YOD1: variants seen among roughly 807,000 people sequenced by gnomAD.
YOD1 encodes the protein YOD1 deubiquitinase, also known as ubiquitin thioesterase OTU1.
In YOD1, 17 loss-of-function variants were observed where a neutral mutation model predicts 23.7. The observed-to-expected ratio is 0.72, with a 90% CI of 0.49 to 1.07. The LOEUF is 1.07. Ranked by LOEUF, YOD1 falls within the 50% of genes least tolerant of loss-of-function variation. YOD1 has a pLI of 0.00. For missense variants in YOD1, 413 were observed against 447.2 expected (o/e 0.92, Z 0.69); for synonymous variants, 191 against 169.6 (o/e 1.13, Z -0.98).
rs1442000348 is a variant in YOD1 at position 207,048,485 on chromosome 1, T to C, written c.*535A>G. The stretch of plus-strand genomic sequence containing the variant: ...TCAATTCATAATTTAGAAACTTAAC[T>C]CATTCAGAGTTTTTAAAAAGACTCA... On this transcript the variant is annotated 3_prime_UTR_variant, in exon 2 of 2. Coordinates refer to ENST00000315927, the MANE Select transcript of YOD1 (RefSeq NM_018566.4). The C allele has an allele frequency of 6.5e-6, 1 of 153,792 alleles. No individual in the cohort carries two copies. The highest frequency in any genetic ancestry group is 2.4e-5 in the African/African-American group (1 of 41,172). The allele number at this position is 153,792 out of a possible 1,614,324, so 9.5% of individuals were successfully genotyped here.
chr1:207,050,573 C>A, intron 1 of YOD1, 115 bp downstream of exon 1: 1 of 1,403,820 alleles, frequency 7.1e-7, no homozygotes. Context: ...TCGCCCCTGG[C>A]CTCAAAGCCC....
chr1:207,050,664 C>G (rs766471685), intron 1 of YOD1, 24 bp downstream of exon 1: 1 of 1,610,838 alleles, frequency 6.2e-7, no homozygotes, highest in Non-Finnish European at 8.5e-7. Flanking sequence ...GGGACTTTCC[C>G]TGGCCCCAGC....
chr1:207,049,698 GTCT>G lies in YOD1; in HGVS notation c.366_368del (p.Glu122del). The G allele has an allele frequency of 6.2e-7, 1 of 1,613,898 alleles. No homozygotes were observed. Among genetic ancestry groups the G allele is most frequent in the Non-Finnish European group, 8.5e-7 (1 of 1,179,956 alleles). Reference sequence around the variant, plus strand: ...CAGGTGAACTTCTGGGCCTGGTTTGGTCTTCTTCAATGATCAGCATGTCACCTG... The same window carrying G: ...CAGGTGAACTTCTGGGCCTGGTTTGGTCTTCAATGATCAGCATGTCACCTG... On this transcript the variant is annotated inframe_deletion, in exon 2 of 2. Coordinates refer to ENST00000315927, the MANE Select transcript of YOD1 (RefSeq NM_018566.4).
chr1:207,049,753 C>T lies in YOD1; in HGVS notation c.344-30G>A, dbSNP rs1212715252. 6 of 1,571,064 alleles carry T rather than the reference C, an allele frequency of 3.8e-6. No homozygotes were observed. The African/African-American group carries it at 6.8e-5, about 18-fold the overall frequency. ...TAAAAATAAAACAAATCCCGATCTG[C>T]AAAGAAATTACAGAAGAAACCGAGT... On this transcript the variant is annotated intron_variant, in intron 1 of 1. Transcript: ENST00000315927.
At position 207,047,172 on chromosome 1, in the gene YOD1, C is replaced by T. The variant is rs1421515082; in HGVS notation, c.*1848G>A. On this transcript the variant is annotated 3_prime_UTR_variant, in exon 2 of 2. Transcript: ENST00000315927. ...ATTTGAACACATTATGATTGCCAAA[C>T]ATTAAGTATCATAAGCTCATCAGTG... 1 of 152,454 alleles carries T rather than the reference C, an allele frequency of 6.6e-6. No individual in the cohort carries two copies. Among genetic ancestry groups the T allele is most frequent in the African/African-American group, 2.4e-5 (1 of 41,372 alleles). The allele number at this position is 152,454 out of a possible 1,614,324, so 9.4% of individuals were successfully genotyped here. A position where few individuals can be genotyped will look rare whatever the true frequency, so the allele number is the denominator to read the frequency against.
chr1:207,051,172 C>G lies in YOD1; in HGVS notation c.-142G>C, dbSNP rs1403353477. Reference sequence around the variant, plus strand: ...AACGAAGATGTAAACCTCCGTATTCCTAAAGGACAACGGGTCTTGCTACCT... The same window carrying G: ...AACGAAGATGTAAACCTCCGTATTCGTAAAGGACAACGGGTCTTGCTACCT... On this transcript the variant is annotated 5_prime_UTR_variant, in exon 1 of 2. Transcript: ENST00000315927. The G allele has an allele frequency of 2.1e-6, 3 of 1,405,794 alleles. No individual in the cohort carries two copies. The highest frequency in any genetic ancestry group is 1.5e-5 in the African/African-American group (1 of 68,746). 87.1% of individuals were successfully genotyped at this position (1,405,794 alleles called of 1,614,324 possible). A position where few individuals can be genotyped will look rare whatever the true frequency, so the allele number is the denominator to read the frequency against.
rs1291513847 is a variant in YOD1, at chr1:207,048,148, A to C, written c.*872T>G. ...TTCAATTAAAAAAGTACCCTGCTTA[A>C]CTTTAAAATGTTATCCAATGTGACA... On this transcript the variant is annotated 3_prime_UTR_variant, in exon 2 of 2. Coordinates refer to ENST00000315927, the MANE Select transcript of YOD1 (RefSeq NM_018566.4). 1 of 152,646 alleles carries C rather than the reference A, an allele frequency of 6.6e-6. No individual in the cohort carries two copies. The highest frequency in any genetic ancestry group is 1.5e-5 in the Non-Finnish European group (1 of 68,028). 9.5% of individuals were successfully genotyped at this position (152,646 alleles called of 1,614,324 possible). A position where few individuals can be genotyped will look rare whatever the true frequency, so the allele number is the denominator to read the frequency against.
chr1:207,047,862 G>C lies in YOD1; in HGVS notation c.*1158C>G, dbSNP rs922726591. ...TAAAACTTCAAAAATCAAAGTAAAA[G>C]ATTGCAGATAAGCAAAGTGCTAATT... On this transcript the variant is annotated 3_prime_UTR_variant, in exon 2 of 2. Coordinates refer to ENST00000315927, the MANE Select transcript of YOD1 (RefSeq NM_018566.4). 2 of 152,204 alleles carry C rather than the reference G, an allele frequency of 1.3e-5. No individual in the cohort carries two copies. The highest frequency in any genetic ancestry group is 2.4e-5 in the African/African-American group (1 of 41,452). The allele number at this position is 152,204 out of a possible 1,614,324, so 9.4% of individuals were successfully genotyped here.
In YOD1 at chr1:207,047,526, AAG is replaced by A. The variant is rs1381733050; in HGVS notation, c.*1492_*1493del. ...TTTCTAAGTGAGATACTTAATAAAA[AAG>A]AGACCAAAATAACAAAACTTCACAT... is the stretch of plus-strand genomic sequence containing the variant. On this transcript the variant is annotated 3_prime_UTR_variant, in exon 2 of 2. Transcript: ENST00000315927. 6 of 152,756 alleles carry A rather than the reference AAG, an allele frequency of 3.9e-5. No homozygotes were observed. Among genetic ancestry groups the A allele is most frequent in the African/African-American group, 1.4e-4 (6 of 41,594 alleles). The allele number at this position is 152,756 out of a possible 1,614,324, so 9.5% of individuals were successfully genotyped here.
chr1:207,047,183 A>C lies in YOD1; in HGVS notation c.*1837T>G, dbSNP rs995601042. 1 of 152,594 alleles carries C rather than the reference A, an allele frequency of 6.6e-6. No homozygotes were observed. The highest frequency in any genetic ancestry group is 1.5e-5 in the Non-Finnish European group (1 of 67,978). 9.5% of individuals were successfully genotyped at this position (152,594 alleles called of 1,614,324 possible). Reference sequence around the variant, plus strand: ...TTATGATTGCCAAACATTAAGTATCATAAGCTCATCAGTGCTATTTTTAAG... The same window carrying C: ...TTATGATTGCCAAACATTAAGTATCCTAAGCTCATCAGTGCTATTTTTAAG... On this transcript the variant is annotated 3_prime_UTR_variant, in exon 2 of 2. Transcript: ENST00000315927.
In YOD1 at chr1:207,048,981, G is replaced by A. The variant is rs758139970; in HGVS notation, c.*39C>T. 1.3e-6 allele frequency: 2 copies of A among 1,564,264 alleles called. No individual in the cohort carries two copies. Among genetic ancestry groups the A allele is most frequent in the Non-Finnish European group, 8.7e-7 (1 of 1,146,614 alleles). On this transcript the variant is annotated 3_prime_UTR_variant, in exon 2 of 2. Coordinates refer to ENST00000315927, the MANE Select transcript of YOD1 (RefSeq NM_018566.4). ...TTGGAAAACCCAGAGCCTTCTGGAT[G>A]TGTGAGGTAGTAGGCTTCAACCCTC...
Position 207,051,015 on chromosome 1 carries a change from T to C in YOD1, c.16A>G (p.Lys6Glu). The stretch of plus-strand genomic sequence containing the variant: ...GGGTGGACTCCAAAATGGCGACCTT[T>C]AGCGGGGCCAAACATCGCGAGAAGT... MFGPA[K>E]GRHFGVHPAP... is the part of the protein sequence containing the mutation. Residue 6 changes from lysine (K) to glutamate (E), a missense_variant, in exon 1 of 2, where the codon AAA (lysine) becomes GAA (glutamate). Transcript: ENST00000315927. The C allele has an allele frequency of 6.6e-7, 1 of 1,513,592 alleles. No individual in the cohort carries two copies. Among genetic ancestry groups the C allele is most frequent in the Non-Finnish European group, 8.8e-7 (1 of 1,130,688 alleles). 93.8% of individuals were successfully genotyped at this position (1,513,592 alleles called of 1,614,324 possible).
At chr1:207,052,326 G>A (rs1441070802), upstream of YOD1, 9 of 1,115,408 alleles carry the variant, frequency 8.1e-6, no homozygotes, top group African/African-American at 1.2e-4. Flanking sequence ...GATACAGCCT[G>A]GGTTAGGGGG....
At position 207,051,088 on chromosome 1, in the gene YOD1, A is replaced by T. The variant is rs1249459149; in HGVS notation, c.-58T>A. On this transcript the variant is annotated 5_prime_UTR_variant, in exon 1 of 2. Coordinates refer to ENST00000315927, the MANE Select transcript of YOD1 (RefSeq NM_018566.4). ...GACGCTTCGGTGCGGCTTCTGCCTT[A>T]GTACCTTAGCAAGCGCGAACTCTTT... 3 of 1,444,778 alleles carry T rather than the reference A, an allele frequency of 2.1e-6. No homozygotes were observed. Among genetic ancestry groups the T allele is most frequent in the Admixed American group, 2.8e-5 (1 of 35,894 alleles). The allele number at this position is 1,444,778 out of a possible 1,614,324, so 89.5% of individuals were successfully genotyped here.
At chr1:207,051,331 T>C (rs538924550), upstream of YOD1, among the ~76,000 whole-genome samples, 1 of 152,184 alleles carries the variant, frequency 6.6e-6, no homozygotes, top group East Asian at 1.9e-4. Flanking sequence ...AATTATTAAA[T>C]TGGGGCTTCC....
rs1188845118 is a variant in YOD1, at chr1:207,051,121, A to G, written c.-91T>C. ...AGCAAGCGCGAACTCTTTTAAAGTG[A>G]CAACTGATTTTTCCCCCACCCTCAG... On this transcript the variant is annotated 5_prime_UTR_variant, in exon 1 of 2. Transcript: ENST00000315927. The G allele has an allele frequency of 1.4e-6, 2 of 1,422,120 alleles. No homozygotes were observed. Among genetic ancestry groups the G allele is most frequent in the South Asian group, 1.5e-5 (1 of 65,508 alleles). The allele number at this position is 1,422,120 out of a possible 1,614,324, so 88.1% of individuals were successfully genotyped here.
chr1:207,049,368 T>C lies in YOD1; in HGVS notation c.699A>G (p.Gln233=). 3 of 1,614,158 alleles carry C rather than the reference T, an allele frequency of 1.9e-6. No individual in the cohort carries two copies. The highest frequency in any genetic ancestry group is 2.5e-6 in the Non-Finnish European group (3 of 1,180,028). The part of the protein sequence containing the change: ...IEISILSKFY[Q]CEICVVDTQT... ...GTGTATCCACTACACATATTTCACA[T>C]TGGTAAAACTTGGACAAAATCGATA... Residue 233 remains glutamine (Q), a synonymous_variant, in exon 2 of 2, where the codon CAA becomes CAG. Transcript: ENST00000315927.
Position 207,046,354 on chromosome 1 carries a change from C to A in YOD1, c.*2666G>T, listed in dbSNP as rs1682601569. The A allele has an allele frequency of 6.6e-6, 1 of 151,828 alleles. No individual in the cohort carries two copies. The highest frequency in any genetic ancestry group is 2.4e-5 in the African/African-American group (1 of 41,340). 9.4% of individuals were successfully genotyped at this position (151,828 alleles called of 1,614,324 possible). Reference sequence around the variant, plus strand: ...ATTTACTCCCTTTAATAACTAATTCCAAGAGTTTAATAAGCACAGTAAAAA... The same window carrying A: ...ATTTACTCCCTTTAATAACTAATTCAAAGAGTTTAATAAGCACAGTAAAAA... On this transcript the variant is annotated 3_prime_UTR_variant, in exon 2 of 2. Coordinates refer to ENST00000315927, the MANE Select transcript of YOD1 (RefSeq NM_018566.4).
Position 207,049,186 on chromosome 1 carries a change from A to G in YOD1, c.881T>C (p.Leu294Pro). The G allele has an allele frequency of 6.2e-7, 1 of 1,614,148 alleles. No individual in the cohort carries two copies. Among genetic ancestry groups the G allele is most frequent in the Non-Finnish European group, 8.5e-7 (1 of 1,180,034 alleles). ...ATCTGCTAATTCCAGTGCTTGTACA[A>G]GAACAATATCATCATTAGAGGAGAA... The part of the protein sequence containing the change: ...TIFSSNDDIV[L>P]VQALELADEA... The change falls in exon 2 of 2, where the codon CTT becomes CCT. Residue 294 changes from leucine to proline, a missense_variant. Coordinates refer to ENST00000315927, the MANE Select transcript of YOD1 (RefSeq NM_018566.4).
Sources: allele counts gnomAD v4.1 joint callset (sites outside exome capture counted in the v4.1 genomes callset), GRCh38; gene constraint gnomAD v4.1.1; transcripts MANE v1.5; gene names NCBI Gene and HGNC (gene_info 2026-07-23, HGNC 2026-07-21).